Variants in CASC3 observed in about 807,000 individuals in gnomAD.
The protein encoded by CASC3 is protein CASC3.
Under a neutral mutation model 80.5 loss-of-function variants are expected in CASC3, and 30 were observed. The observed-to-expected ratio is 0.37, with a 90% confidence interval of 0.28 to 0.51. CASC3 has a LOEUF of 0.51. Ranked by LOEUF, CASC3 falls within the 20% of genes least tolerant of loss-of-function variation. CASC3 has a pLI of 0.94. For missense variants in CASC3, 824 were observed against 922.2 expected, an observed-to-expected ratio of 0.89 and a Z score of 1.38; for synonymous variants, 312 against 333.6, an observed-to-expected ratio of 0.94 and a Z score of 0.70.
In CASC3 at chr17:40,163,605, A is replaced by G. The variant is rs1250249815; in HGVS notation, c.910A>G (p.Thr304Ala). ...ATTTATTAACAGGAATGCTGCAGGT[A>G]CCGGCCGTATGTCTGCACCCAGGAA... Reference protein sequence around the residue: ...RTFINRNAAGTGRMSAPRNYS... With the variant: ...RTFINRNAAGAGRMSAPRNYS... Residue 304 changes from threonine (T) to alanine (A), a missense_variant, in exon 7 of 14, where the codon ACC (threonine) becomes GCC (alanine). This residue lies in a region of CASC3 where 201 missense variants were observed against 294.1 expected (regional missense o/e 0.68). Transcript: ENST00000264645. 6.2e-7 allele frequency: 1 copy of G among 1,614,034 alleles called. No homozygotes were observed. Among genetic ancestry groups the G allele is most frequent in the Non-Finnish European group, 8.5e-7 (1 of 1,180,036 alleles).
chr17:40,161,896 A>G lies in CASC3; in HGVS notation c.441A>G (p.Gln147=), dbSNP rs892013900. The change falls in exon 4 of 14, where the codon CAA becomes CAG. Residue 147 remains glutamine (Q), a synonymous_variant. Transcript: ENST00000264645. ...AAAGCACTGTGACTGGAGAGAGGCA[A>G]AGTGGGGACGGACAGGTTAGTACAT... is the stretch of plus-strand genomic sequence containing the variant. ...DTKSTVTGER[Q]SGDGQESTEP... is the part of the protein sequence containing the mutation. 43 of 1,614,076 alleles carry G rather than the reference A, an allele frequency of 2.7e-5. No homozygotes were observed. Among genetic ancestry groups the G allele is most frequent in the Non-Finnish European group, 3.6e-5 (43 of 1,180,050 alleles).
In CASC3 at chr17:40,166,804, C is replaced by T. The variant is rs1224850560; in HGVS notation, c.1479C>T (p.Pro493=). ...FLQPRELRGM[P]NHIHMGAGPP... The stretch of plus-strand genomic sequence containing the variant: ...TTTTTTGGTGTATTACAGGTATGCC[C>T]AACCATATACACATGGGAGCAGGAC... Residue 493 remains proline (P), a synonymous_variant, in exon 8 of 14, where the codon CCC becomes CCT. Transcript: ENST00000264645. 1.3e-6 allele frequency: 2 copies of T among 1,596,080 alleles called. No homozygotes were observed. The highest frequency in any genetic ancestry group is 1.7e-6 in the Non-Finnish European group (2 of 1,174,362).
intron 11 of CASC3, 48 bp downstream of exon 11, chr17:40,168,465 C>G (rs767458305): frequency 6.6e-7 from 1 of 1,525,864 alleles, no homozygotes; most frequent in Admixed American, 1.7e-5. Context: ...TTCTTTAATT[C>G]AGACAGGAAT....
intron 7 of CASC3, 121 bp downstream of exon 7, chr17:40,164,287 A>T: frequency 2.3e-6 from 2 of 879,094 alleles, no homozygotes; most frequent in Non-Finnish European, 3.4e-6. Flanking sequence ...TTTTTGAGAC[A>T]GAGTCTCACT....
chr17:40,165,897 C>T (rs1989438642), intron 7 of CASC3, among the ~76,000 whole-genome samples: 1 of 151,694 alleles, frequency 6.6e-6, no homozygotes, highest in East Asian at 1.9e-4. Context: ...TCCTCAGTAG[C>T]TAAGATCATA....
At chr17:40,147,195 T>C (rs958334136) in intron 3 of CASC3, among the ~76,000 whole-genome samples, 14 of 152,202 alleles carry the variant, frequency 9.2e-5, no homozygotes, top group African/African-American at 1.2e-4. Flanking sequence ...AAGAGCTGTT[T>C]AGAGGTTGTT....
At chr17:40,151,679 G>A (rs1033110399) in intron 3 of CASC3, among the ~76,000 whole-genome samples, 4 of 143,008 alleles carry the variant, frequency 2.8e-5, no homozygotes, top group African/African-American at 1.1e-4. Flanking sequence ...GAGTAACAGA[G>A]TGAGACCTTC....
rs778620351 is a variant in CASC3, at chr17:40,171,438, A to G, written c.*1033A>G. 26 of 986,098 alleles carry G rather than the reference A, an allele frequency of 2.6e-5. No individual in the cohort carries two copies. The highest frequency in any genetic ancestry group is 3.5e-5 in the African/African-American group (2 of 57,210). 61.1% of individuals were successfully genotyped at this position (986,098 alleles called of 1,614,324 possible). ...GGACCAATGCATCTCTTTAAAGGCA[A>G]ATATTATCCAGCAAGCAGTCTACCC... On this transcript the variant is annotated 3_prime_UTR_variant, in exon 14 of 14. Coordinates refer to ENST00000264645, the MANE Select transcript of CASC3 (RefSeq NM_007359.5).
chr17:40,170,899 C>T lies in CASC3; in HGVS notation c.*494C>T, dbSNP rs1208246840. 2.0e-6 allele frequency: 2 copies of T among 985,350 alleles called. No individual in the cohort carries two copies. Among genetic ancestry groups the T allele is most frequent in the African/African-American group, 1.7e-5 (1 of 57,194 alleles). 61.0% of individuals were successfully genotyped at this position (985,350 alleles called of 1,614,324 possible). On this transcript the variant is annotated 3_prime_UTR_variant, in exon 14 of 14. Transcript: ENST00000264645. ...TGCCTTTAAATGAAACAAGTCTAGTCTTCTGGTTTTCTAGCCCCTCTGGAT... is the reference window on the plus strand; with the variant it reads ...TGCCTTTAAATGAAACAAGTCTAGTTTTCTGGTTTTCTAGCCCCTCTGGAT...
intron 3 of CASC3, among the ~76,000 whole-genome samples, chr17:40,156,989 G>A (rs1396061441): frequency 2.6e-5 from 4 of 151,978 alleles, no homozygotes; most frequent in Admixed American, 6.6e-5. Flanking sequence ...GCTGCAGCAA[G>A]CCATGATCAC....
At chr17:40,167,696 C>T (rs537934172) in intron 9 of CASC3, 84 bp downstream of exon 9, 2 of 1,264,372 alleles carry the variant, frequency 1.6e-6, no homozygotes, top group Middle Eastern at 1.9e-4. Flanking sequence ...CTGAATTTCT[C>T]TTCTGACCTC....
At chr17:40,168,152 T>C (rs748483596) in intron 10 of CASC3, 51 bp from the exon 11 acceptor site, 53 of 1,525,822 alleles carry the variant, frequency 3.5e-5, no homozygotes, top group Non-Finnish European at 4.4e-5. Context: ...CGGGCCATCC[T>C]GTGAAAATGA....
chr17:40,141,283 A>G, intron 2 of CASC3, 49 bp downstream of exon 2: 1 of 1,526,982 alleles, frequency 6.5e-7, no homozygotes, highest in South Asian at 1.1e-5. Flanking sequence ...TTTTAACATA[A>G]ACTCAGGTCA....
chr17:40,169,911 A>C (rs1025558411), intron 13 of CASC3, among the ~76,000 whole-genome samples: 17 of 151,694 alleles, frequency 1.1e-4, no homozygotes, highest in African/African-American at 4.1e-4. Context: ...ACGCACCACC[A>C]CACCTGGCTA....
At chr17:40,153,170 G>A (rs989993441) in intron 3 of CASC3, among the ~76,000 whole-genome samples, 5 of 152,096 alleles carry the variant, frequency 3.3e-5, no homozygotes, top group African/African-American at 1.2e-4. Flanking sequence ...TCTCATTTTC[G>A]CTACCCTTAA....
At chr17:40,162,592 A>G (rs1483693629) in intron 5 of CASC3, 133 bp from the exon 6 acceptor site, 5 of 791,374 alleles carry the variant, frequency 6.3e-6, no homozygotes, top group Non-Finnish European at 9.8e-6. Flanking sequence ...TGTTTTTTAT[A>G]ATCTCTTTGG....
At chr17:40,142,535 G>A (rs887990235) in intron 3 of CASC3, among the ~76,000 whole-genome samples, 2 of 152,198 alleles carry the variant, frequency 1.3e-5, no homozygotes, top group African/African-American at 4.8e-5. Context: ...ACTTTGGAAG[G>A]CTGAGGCAGA....
At chr17:40,144,852 A>AT (rs1220682311) in intron 3 of CASC3, among the ~76,000 whole-genome samples, 1 of 148,438 alleles carries the variant, frequency 6.7e-6, no homozygotes, top group Non-Finnish European at 1.5e-5. Flanking sequence ...AAAAAAAAAA[A>AT]AAAATTAAGT....
In CASC3 at chr17:40,170,800, T is replaced by C. The variant is rs1598433261; in HGVS notation, c.*395T>C. The C allele has an allele frequency of 1.0e-6, 1 of 985,174 alleles. No individual in the cohort carries two copies. The highest frequency in any genetic ancestry group is 1.1e-4 in the East Asian group (1 of 8,970). The allele number at this position is 985,174 out of a possible 1,614,324, so 61.0% of individuals were successfully genotyped here. On this transcript the variant is annotated 3_prime_UTR_variant, in exon 14 of 14. Transcript: ENST00000264645. Reference sequence around the variant, plus strand: ...TGTTTTGTTTTCTAAGATGTTCATTTTTAAAGCCTGGCTTCTTATCCTTAA... The same window carrying C: ...TGTTTTGTTTTCTAAGATGTTCATTCTTAAAGCCTGGCTTCTTATCCTTAA...
Sources: gnomAD v4.1 joint callset for allele counts (sites outside exome capture counted in the v4.1 genomes callset) on GRCh38, gnomAD v4.1.1 for gene constraint, gnomAD v4.1.1 regional missense constraint, MANE v1.5 for transcripts, NCBI Gene and HGNC (gene_info 2026-07-23, HGNC 2026-07-21) for gene names.